The following CYFIP1 variants were observed in gnomAD, a reference collection of about 807,000 sequenced individuals.
CYFIP1 encodes cytoplasmic FMR1-interacting protein 1.
In CYFIP1, 58 loss-of-function variants were observed where a neutral mutation model predicts 163.5. The observed-to-expected ratio is 0.35, with a 90% CI of 0.29 to 0.44. The LOEUF is 0.44. Ranked by LOEUF, CYFIP1 falls within the 20% of genes least tolerant of loss-of-function variation. CYFIP1 has a pLI of 1.00. For synonymous variants in CYFIP1, 663 were observed against 660.7 expected, an observed-to-expected ratio of 1.00 and a Z score of -0.05; for missense variants, 1,338 against 1,653.8, an observed-to-expected ratio of 0.81 and a Z score of 3.31.
chr15:22,889,364 G>A (rs1229237309), intron 23 of CYFIP1, among the ~76,000 whole-genome samples: 1 of 152,228 alleles, frequency 6.6e-6, no homozygotes, highest in African/African-American at 2.4e-5. Context: ...TGTGCACCCC[G>A]CACCACCACC....
chr15:22,907,790 G>A (rs1348335796), intron 21 of CYFIP1, among the ~76,000 whole-genome samples: 1 of 152,184 alleles, frequency 6.6e-6, no homozygotes, highest in African/African-American at 2.4e-5. Flanking sequence ...TCGGGGGCCC[G>A]CTCACTGAGG....
chr15:22,911,058 T>C (rs988950741), intron 18 of CYFIP1, among the ~76,000 whole-genome samples: 1 of 151,986 alleles, frequency 6.6e-6, no homozygotes, highest in Non-Finnish European at 1.5e-5. Context: ...CCCACCACCA[T>C]TAGCCTGGTG....
chr15:22,970,843 G>A (rs942420694), intron 1 of CYFIP1, among the ~76,000 whole-genome samples: 8 of 151,818 alleles, frequency 5.3e-5, no homozygotes, highest in East Asian at 3.9e-4. Context: ...TTGGGAGGCC[G>A]AGTCGGGCAG....
chr15:22,964,353 TCA>T (rs71117466), intron 1 of CYFIP1, among the ~76,000 whole-genome samples: 4,991 of 78,446 alleles, frequency 0.064, 104 homozygotes, highest in East Asian at 0.096. Flanking sequence ...ACCTCATCAC[TCA>T]CACACACACA....
At chr15:22,881,765 T>G in intron 25 of CYFIP1, 81 bp downstream of exon 25, 1 of 1,357,326 alleles carries the variant, frequency 7.4e-7, no homozygotes, top group Non-Finnish European at 1.0e-6. Flanking sequence ...GCAAATCTAA[T>G]CCTTCTCAAG....
intron 1 of CYFIP1, among the ~76,000 whole-genome samples, chr15:22,962,101 T>C (rs921814984): frequency 4.6e-5 from 7 of 152,170 alleles, no homozygotes; most frequent in Non-Finnish European, 8.8e-5. Flanking sequence ...AGCACTACTA[T>C]AGGTAATCTC....
At chr15:22,957,225 G>C (rs145055579) in intron 1 of CYFIP1, among the ~76,000 whole-genome samples, 1 of 152,236 alleles carries the variant, frequency 6.6e-6, no homozygotes, top group African/African-American at 2.4e-5. Context: ...ACTTGTGGCC[G>C]GGCACGGTGG....
intron 1 of CYFIP1, among the ~76,000 whole-genome samples, chr15:22,962,741 G>A (rs2062729840): frequency 6.6e-6 from 1 of 152,092 alleles, no homozygotes; most frequent in Non-Finnish European, 1.5e-5. Flanking sequence ...CCTTTCAGTT[G>A]AGTTGTTATA....
chr15:22,929,569 T>A (rs28520432), intron 11 of CYFIP1, among the ~76,000 whole-genome samples: 9,443 of 141,634 alleles, frequency 0.067, 1,027 homozygotes, highest in African/African-American at 0.24. Flanking sequence ...GAGGTGGAAG[T>A]TGCAATGAGC....
intron 15 of CYFIP1, 163 bp from the exon 16 acceptor site, chr15:22,916,793 C>G (rs764920228): frequency 6.3e-7 from 1 of 1,579,906 alleles, no homozygotes; most frequent in Non-Finnish European, 8.6e-7. Flanking sequence ...TACGCGGCCA[C>G]GTTGCTGCTG....
intron 22 of CYFIP1, among the ~76,000 whole-genome samples, chr15:22,894,074 G>A (rs1038346021): frequency 2.6e-5 from 4 of 152,028 alleles, no homozygotes; most frequent in African/African-American, 9.7e-5. Flanking sequence ...CAGCACACCT[G>A]CAAAGCCACG....
chr15:22,879,208 A>C (rs538428209), intron 26 of CYFIP1, among the ~76,000 whole-genome samples: 152 of 152,286 alleles, frequency 1.0e-3, no homozygotes, highest in African/African-American at 3.2e-3. Context: ...AGAAACAAGA[A>C]GACGCAACGA....
chr15:22,888,865 AC>A (rs1198922041), intron 23 of CYFIP1, among the ~76,000 whole-genome samples: 1 of 151,898 alleles, frequency 6.6e-6, no homozygotes, highest in Admixed American at 6.6e-5. Context: ...ACATGGTGAA[AC>A]CCTGTCTCGA....
At chr15:22,951,606 C>T (rs2062251970) in intron 1 of CYFIP1, 1 of 1,252,460 alleles carries the variant, frequency 8.0e-7, no homozygotes, top group East Asian at 5.7e-5. Flanking sequence ...CCAGGAGAGG[C>T]CTGGGGGCGT....
At chr15:22,950,533 C>T (rs764158234) in intron 1 of CYFIP1, among the ~76,000 whole-genome samples, 9 of 152,180 alleles carry the variant, frequency 5.9e-5, no homozygotes, top group Non-Finnish European at 1.0e-4. Flanking sequence ...TAGCCACCCC[C>T]GAATCTCAGT....
In CYFIP1 at chr15:22,903,804, G is replaced by T; in HGVS notation, c.2490C>A (p.His830Gln). Residue 830 changes from histidine to glutamine, a missense_variant, in exon 22 of 31, where the codon CAC becomes CAA. Physicochemically the swap from His to Gln is conservative, Grantham distance 24. Transcript: ENST00000617928. ...TCCTCCCGTAGGGCGCTGACACGTT[G>T]TGGTTGGCCTCCCGGAACATGGCGT... ...GFDAMFREAN[H>Q]NVSAPYGRIT... is the part of the protein sequence containing the mutation. The T allele has an allele frequency of 6.2e-7, 1 of 1,614,214 alleles. No individual in the cohort carries two copies. The highest frequency in any genetic ancestry group is 8.5e-7 in the Non-Finnish European group (1 of 1,180,036).
At chr15:22,920,451 T>C (rs1174508648) in intron 13 of CYFIP1, among the ~76,000 whole-genome samples, 1 of 152,204 alleles carries the variant, frequency 6.6e-6, no homozygotes, top group Non-Finnish European at 1.5e-5. Context: ...TTCACACCTT[T>C]TGAGTTCCTC....
intron 16 of CYFIP1, among the ~76,000 whole-genome samples, chr15:22,916,147 G>T (rs1263818162): frequency 1.3e-5 from 2 of 152,160 alleles, no homozygotes; most frequent in Non-Finnish European, 2.9e-5. Flanking sequence ...GGTCTGCAAG[G>T]GCCATTTCTA....
At position 22,926,147 on chromosome 15, in the gene CYFIP1, G is replaced by A. The variant is rs142663011; in HGVS notation, c.1234-40C>T. 4.2e-5 allele frequency: 68 copies of A among 1,611,672 alleles called. 2 individuals are homozygous for A. Among genetic ancestry groups the A allele is most frequent in the East Asian group, 3.6e-4 (16 of 44,842 alleles). ...AGAGCAGAGGTGTTCCATATTGCATGCAAAACGCCTGGCTTCTGGTCTGAC... is the reference window on the plus strand; with the variant it reads ...AGAGCAGAGGTGTTCCATATTGCATACAAAACGCCTGGCTTCTGGTCTGAC... On this transcript the variant is annotated intron_variant, in intron 12 of 30. Transcript: ENST00000617928.
Sources: allele counts gnomAD v4.1 joint callset (sites outside exome capture counted in the v4.1 genomes callset), GRCh38; gene constraint gnomAD v4.1.1; transcripts MANE v1.5; gene names NCBI Gene and HGNC (gene_info 2026-07-23, HGNC 2026-07-21).